The following LRRC4C variants were observed in gnomAD, a reference collection of about 807,000 sequenced individuals.
The protein encoded by LRRC4C is leucine-rich repeat-containing protein 4C.
LRRC4C carries 5 observed loss-of-function variants against 33.6 expected under a neutral mutation model. That is an observed-to-expected ratio of 0.15 (90% CI 0.08 to 0.31). LRRC4C has a LOEUF of 0.31. Ranked by LOEUF, LRRC4C falls within the 10% of genes least tolerant of loss-of-function variation. The pLI is 1.00. For missense variants in LRRC4C, 560 were observed against 796.7 expected (o/e 0.70, Z 3.58); for synonymous variants, 329 against 302.0 (o/e 1.09, Z -0.93).
At chr11:40,267,559 G>C (rs978295821) in intron 4 of LRRC4C, among the ~76,000 whole-genome samples, 2 of 152,100 alleles carry the variant, frequency 1.3e-5, no homozygotes, top group Non-Finnish European at 2.9e-5. Context: ...CACCGTGTTA[G>C]CCAGGATGGT....
intron 1 of LRRC4C, among the ~76,000 whole-genome samples, chr11:41,044,977 T>C (rs1207285704): frequency 6.6e-6 from 1 of 152,112 alleles, no homozygotes; most frequent in Non-Finnish European, 1.5e-5. Context: ...TCCTGAGCCC[T>C]TTTTGTAGTT....
chr11:40,419,039 G>A (rs1950430690), intron 3 of LRRC4C, among the ~76,000 whole-genome samples: 1 of 152,002 alleles, frequency 6.6e-6, no homozygotes, highest in Admixed American at 6.6e-5. Flanking sequence ...TAATAACTAG[G>A]TGATGGGTTG....
chr11:40,323,140 C>G (rs1172133086), intron 3 of LRRC4C, among the ~76,000 whole-genome samples: 1 of 152,128 alleles, frequency 6.6e-6, no homozygotes, highest in Non-Finnish European at 1.5e-5. Context: ...CAATTGCACT[C>G]AAAGGCAGAA....
At chr11:41,257,516 T>C (rs1284135863) in intron 1 of LRRC4C, among the ~76,000 whole-genome samples, 1 of 152,034 alleles carries the variant, frequency 6.6e-6, no homozygotes, top group African/African-American at 2.4e-5. Context: ...ACCAGTTATT[T>C]TCACTAGGTC....
At chr11:40,351,780 CTTGT>C (rs1467397035) in intron 3 of LRRC4C, 2 of 151,846 alleles carry the variant, frequency 1.3e-5, no homozygotes, top group Admixed American at 6.6e-5. Context: ...ATATAATGAC[CTTGT>C]TTATCTCTTT....
intron 4 of LRRC4C, among the ~76,000 whole-genome samples, chr11:40,258,222 T>A (rs181241294): frequency 7.2e-4 from 110 of 152,182 alleles, no homozygotes; most frequent in Non-Finnish European, 1.2e-3. Flanking sequence ...ACGTTTGGAT[T>A]TGGATCCAAT....
chr11:41,245,049 C>G (rs1347794003), intron 1 of LRRC4C, among the ~76,000 whole-genome samples: 1 of 152,222 alleles, frequency 6.6e-6, no homozygotes, highest in Admixed American at 6.5e-5. Context: ...AGTGCATCCT[C>G]TCCATCCTGA....
intron 1 of LRRC4C, among the ~76,000 whole-genome samples, chr11:40,985,439 G>A (rs1333593710): frequency 6.6e-6 from 1 of 151,706 alleles, no homozygotes; most frequent in East Asian, 1.9e-4. Context: ...CTTGTAGTTT[G>A]GTAATATTGG....
At chr11:40,932,395 G>A (rs964956080) in intron 2 of LRRC4C, among the ~76,000 whole-genome samples, 85 of 152,244 alleles carry the variant, frequency 5.6e-4, no homozygotes, top group Middle Eastern at 3.4e-3. Context: ...GTTTGAATGG[G>A]TAAAGAGGGG....
At chr11:40,651,364 G>A (rs565494688) in intron 2 of LRRC4C, among the ~76,000 whole-genome samples, 3 of 151,470 alleles carry the variant, frequency 2.0e-5, no homozygotes, top group Admixed American at 2.0e-4. Context: ...TGGGGGAGAG[G>A]AGAGAGAGAG....
chr11:40,376,771 G>A (rs1948676610), intron 3 of LRRC4C, among the ~76,000 whole-genome samples: 1 of 151,804 alleles, frequency 6.6e-6, no homozygotes, highest in Non-Finnish European at 1.5e-5. Context: ...CTGGAGTGGG[G>A]GAGTTAAATG....
intron 1 of LRRC4C, among the ~76,000 whole-genome samples, chr11:40,961,466 G>T (rs2136872992): frequency 6.6e-6 from 1 of 151,738 alleles, no homozygotes; most frequent in South Asian, 2.1e-4. Context: ...CCCAATATCA[G>T]TTCTATGTTT....
chr11:40,957,246 G>A (rs1264017062), intron 1 of LRRC4C, among the ~76,000 whole-genome samples: 6 of 151,668 alleles, frequency 4.0e-5, no homozygotes, highest in African/African-American at 1.5e-4. Flanking sequence ...AGCTAGAAAA[G>A]GACTATAAAA....
intron 3 of LRRC4C, among the ~76,000 whole-genome samples, chr11:40,391,319 T>C (rs1279752240): frequency 6.6e-6 from 1 of 152,128 alleles, no homozygotes; most frequent in Non-Finnish European, 1.5e-5. Flanking sequence ...GCTCACCAGA[T>C]TGATAATTTT....
intron 2 of LRRC4C, among the ~76,000 whole-genome samples, chr11:40,758,207 A>T (rs1263188002): frequency 6.6e-6 from 1 of 151,998 alleles, no homozygotes; most frequent in Non-Finnish European, 1.5e-5. Flanking sequence ...ATTATATGGG[A>T]TGCTTGTCTC....
intron 1 of LRRC4C, among the ~76,000 whole-genome samples, chr11:41,119,478 C>A (rs970640999): frequency 2.6e-5 from 4 of 152,156 alleles, no homozygotes; most frequent in Admixed American, 2.6e-4. Flanking sequence ...TTAGGTAAGT[C>A]AATTTGCCTA....
intron 1 of LRRC4C, among the ~76,000 whole-genome samples, chr11:41,222,639 C>T (rs925656638): frequency 3.3e-5 from 5 of 151,954 alleles, no homozygotes; most frequent in Non-Finnish European, 5.9e-5. Flanking sequence ...ACTGTAACAA[C>T]AAAGTTTTGA....
chr11:41,102,975 A>T (rs1030317624), intron 1 of LRRC4C, among the ~76,000 whole-genome samples: 1 of 151,982 alleles, frequency 6.6e-6, no homozygotes, highest in Admixed American at 6.6e-5. Flanking sequence ...CTGAATGTCA[A>T]TTCAAAAGGA....
At chr11:40,932,401 A>T (rs1957667429) in intron 2 of LRRC4C, among the ~76,000 whole-genome samples, 1 of 152,148 alleles carries the variant, frequency 6.6e-6, no homozygotes, top group African/African-American at 2.4e-5. Context: ...ATGGGTAAAG[A>T]GGGGCTAATG....
Sources: allele counts gnomAD v4.1 joint callset (sites outside exome capture counted in the v4.1 genomes callset), GRCh38; gene constraint gnomAD v4.1.1; transcripts MANE v1.5; gene names NCBI Gene and HGNC (gene_info 2026-07-23, HGNC 2026-07-21).